The following CYSLTR1 variants were observed in gnomAD, a reference collection of about 807,000 sequenced individuals.
CYSLTR1 encodes G-protein coupled receptor HG55.
CYSLTR1 carries 1 observed loss-of-function variant against 2.1 expected under a neutral mutation model. The observed-to-expected ratio is 0.48, with a 90% CI of 0.17 to 2.28. CYSLTR1 has a LOEUF of 2.28. Among genes scored for constraint, CYSLTR1 ranks in the 30% most tolerant of loss-of-function variants. The pLI, the probability that CYSLTR1 is intolerant of heterozygous loss-of-function variation, is 0.26. For synonymous variants in CYSLTR1, 110 were observed against 89.6 expected, an observed-to-expected ratio of 1.23 and a Z score of -1.28; for missense variants, 299 against 250.1, an observed-to-expected ratio of 1.20 and a Z score of -1.32.
chrX:78,291,064 GC>G (rs1922304664), intron 1 of CYSLTR1, among the ~76,000 whole-genome samples: 1 of 111,793 alleles, frequency 8.9e-6, no homozygotes, highest in Non-Finnish European at 1.9e-5. Flanking sequence ...TCCAGTTTTT[GC>G]CCATTCAGTA....
chrX:78,278,789 C>G (rs1420739642), intron 2 of CYSLTR1, among the ~76,000 whole-genome samples: 1 of 111,819 alleles, frequency 8.9e-6, no homozygotes, highest in Non-Finnish European at 1.9e-5. Flanking sequence ...ATAGGGATTC[C>G]AGAAATAAAT....
intron 1 of CYSLTR1, among the ~76,000 whole-genome samples, chrX:78,312,187 C>T (rs1008363870): frequency 9.0e-6 from 1 of 111,277 alleles, no homozygotes; most frequent in Non-Finnish European, 1.9e-5. Context: ...ACACCTACAA[C>T]CATCTGATCT....
At chrX:78,296,723 T>G (rs1303871003) in intron 1 of CYSLTR1, among the ~76,000 whole-genome samples, 1 of 111,875 alleles carries the variant, frequency 8.9e-6, no homozygotes. Context: ...ATGCTACTGA[T>G]TTTTGTATGT....
chrX:78,312,130 G>A (rs1923241665), intron 1 of CYSLTR1, among the ~76,000 whole-genome samples: 1 of 111,206 alleles, frequency 9.0e-6, no homozygotes, highest in South Asian at 3.8e-4. Flanking sequence ...TACAAAAACA[G>A]ACACATACAC....
rs762291403 is a variant in CYSLTR1, at chrX:78,273,260, G to C, written c.487C>G (p.Pro163Ala). 2.2e-5 allele frequency: 27 copies of C among 1,207,889 alleles called. No individual in the cohort carries two copies. Among genetic ancestry groups the C allele is most frequent in the Non-Finnish European group, 3.0e-5 (27 of 894,379 alleles). The change falls in exon 3 of 3, where the codon CCA becomes GCA. Residue 163 changes from proline (P) to alanine (A), a missense_variant. Physicochemically the swap from Pro to Ala is conservative, Grantham distance 27 (BLOSUM62 -1). Coordinates refer to ENST00000373304, the MANE Select transcript of CYSLTR1 (RefSeq NM_006639.4). Reference protein sequence around the residue: ...LTSSPFLMAKPQKDEKNNTKC... With the variant: ...LTSSPFLMAKAQKDEKNNTKC... Reference sequence around the variant, plus strand: ...GTATTATTTTTCTCATCTTTTTGTGGTTTGGCCATTAGAAATGGAGAACTG... The same window carrying C: ...GTATTATTTTTCTCATCTTTTTGTGCTTTGGCCATTAGAAATGGAGAACTG...
chrX:78,287,383 TG>T (rs768451744), intron 1 of CYSLTR1, among the ~76,000 whole-genome samples: 97 of 111,625 alleles, frequency 8.7e-4, no homozygotes, highest in Admixed American at 2.7e-3. Flanking sequence ...TAGAGACAGG[TG>T]ATAGTTGCCT....
intron 1 of CYSLTR1, among the ~76,000 whole-genome samples, chrX:78,303,545 C>T (rs1313633399): frequency 9.0e-6 from 1 of 110,666 alleles, no homozygotes; most frequent in Non-Finnish European, 1.9e-5. Context: ...TTAAACTTCC[C>T]CATTAATCCT....
intron 1 of CYSLTR1, among the ~76,000 whole-genome samples, chrX:78,304,871 T>C (rs1486001795): frequency 8.9e-6 from 1 of 112,119 alleles, no homozygotes; most frequent in Non-Finnish European, 1.9e-5. Context: ...TTAGAAGGTA[T>C]ATAAACTCTG....
intron 2 of CYSLTR1, among the ~76,000 whole-genome samples, chrX:78,277,468 C>T (rs1419485252): frequency 8.9e-6 from 1 of 111,986 alleles, no homozygotes; most frequent in African/African-American, 3.2e-5. Flanking sequence ...TGTGCAAAGA[C>T]CCTACTGCCA....
chrX:78,302,254 C>A (rs1922849043), intron 1 of CYSLTR1, among the ~76,000 whole-genome samples: 1 of 112,422 alleles, frequency 8.9e-6, no homozygotes, highest in East Asian at 2.8e-4. Flanking sequence ...GGCCTAAAGG[C>A]TCTTTACCAG....
rs1016083637 is a variant in CYSLTR1, at chrX:78,315,505, C to A, written c.-115+11800G>T. On this transcript the variant is annotated intron_variant, in intron 1 of 2. Coordinates refer to ENST00000373304, the MANE Select transcript of CYSLTR1 (RefSeq NM_006639.4). ...TCTCATATGGCATTTCTGTATGTTT[C>A]TTGGGCTGGAAGGGAGCCTACTGTT... Among the ~76,000 whole-genome samples, 8 of 111,271 alleles carry A rather than the reference C, an allele frequency of 7.2e-5. No homozygotes were observed. The Admixed American group carries it at 7.6e-4, about 11-fold the overall frequency.
chrX:78,313,284 T>TG (rs1426351478), intron 1 of CYSLTR1, among the ~76,000 whole-genome samples: 1 of 111,145 alleles, frequency 9.0e-6, no homozygotes, highest in Non-Finnish European at 1.9e-5. Context: ...ACATAAATAT[T>TG]GGAACAATGG....
chrX:78,315,312 G>A (rs948819411), intron 1 of CYSLTR1, among the ~76,000 whole-genome samples: 1 of 110,532 alleles, frequency 9.0e-6, no homozygotes, highest in Non-Finnish European at 1.9e-5. Flanking sequence ...GCTGGCTTCA[G>A]GTGAAACAGC....
At chrX:78,320,297 G>T (rs1300574523) in intron 1 of CYSLTR1, 55 of 111,859 alleles carry the variant, frequency 4.9e-4, no homozygotes, top group African/African-American at 1.6e-3. Context: ...TAAGGTGTAA[G>T]GAAGGGATCC....
intron 1 of CYSLTR1, among the ~76,000 whole-genome samples, chrX:78,307,389 A>G (rs1390259110): frequency 9.0e-6 from 1 of 111,529 alleles, no homozygotes; most frequent in African/African-American, 3.3e-5. Context: ...CCCTTGACAC[A>G]TGGTCTTATT....
chrX:78,273,104 T>A lies in CYSLTR1; in HGVS notation c.643A>T (p.Thr215Ser). Reference protein sequence around the residue: ...IIVCYTMIILTLLKKSMKKNL... With the variant: ...IIVCYTMIILSLLKKSMKKNL... ...TTTTTCATTGATTTTTTTAGTAAGG[T>A]CAAAATGATCATTGTGTAACAGACA... is the stretch of plus-strand genomic sequence containing the variant. The change falls in exon 3 of 3, where the codon ACC (threonine) becomes TCC (serine). Residue 215 changes from threonine (T) to serine (S), a missense_variant. By Grantham distance (58) the Thr-to-Ser change is moderately conservative. Transcript: ENST00000373304. The A allele has an allele frequency of 8.3e-7, 1 of 1,208,469 alleles. No homozygotes were observed. The highest frequency in any genetic ancestry group is 1.1e-6 in the Non-Finnish European group (1 of 893,613).
At chrX:78,293,356 C>G (rs1922437467) in intron 1 of CYSLTR1, among the ~76,000 whole-genome samples, 1 of 111,981 alleles carries the variant, frequency 8.9e-6, no homozygotes, top group African/African-American at 3.2e-5. Context: ...CGCTGTTAGT[C>G]TCATGGGCTT....
intron 1 of CYSLTR1, among the ~76,000 whole-genome samples, chrX:78,290,043 C>T (rs773734587): frequency 4.6e-4 from 52 of 111,916 alleles, no homozygotes; most frequent in African/African-American, 1.7e-3. Context: ...TTGCCAATCC[C>T]TTGTCCTGAA....
At chrX:78,311,833 TG>T (rs771132907) in intron 1 of CYSLTR1, among the ~76,000 whole-genome samples, 1 of 111,725 alleles carries the variant, frequency 9.0e-6, no homozygotes, top group South Asian at 3.7e-4. Flanking sequence ...AAATCAGAGA[TG>T]ATACAAATAA....
Sources: allele counts gnomAD v4.1 joint callset (sites outside exome capture counted in the v4.1 genomes callset), GRCh38; gene constraint gnomAD v4.1.1; transcripts MANE v1.5; gene names NCBI Gene and HGNC (gene_info 2026-07-23, HGNC 2026-07-21).